The following TNRC18 variants were observed in gnomAD, a reference collection of about 807,000 sequenced individuals.
The protein encoded by TNRC18 is trinucleotide repeat containing 18.
A neutral mutation model predicts 226.7 loss-of-function variants in TNRC18; 69 were observed. The observed-to-expected ratio is 0.30, with a 90% CI of 0.25 to 0.37. The LOEUF (loss-of-function observed/expected upper bound fraction) is 0.37, where lower values mean the gene tolerates loss of function less well. Among genes scored for constraint, TNRC18 ranks in the 10% least tolerant of loss-of-function variants. The pLI is 1.00. For synonymous variants in TNRC18, 2,449 were observed against 1,927.6 expected, an observed-to-expected ratio of 1.27 and a Z score of -7.09; for missense variants, 4,754 against 4,256.6, an observed-to-expected ratio of 1.12 and a Z score of -3.25.
Position 5,312,698 on chromosome 7 carries a change from C to T in TNRC18, c.8193G>A (p.Pro2731=), listed in dbSNP as rs775117855. Residue 2731 remains proline (P), a synonymous_variant, in exon 27 of 30, where the codon CCG becomes CCA. Transcript: ENST00000430969. The surrounding 1 kb of genome is among the most constrained non-coding windows in gnomAD (Gnocchi z 6.3). ...TGGGCTGCAGAGGCTGTGTGGGCTG[C>T]GGAGGAGGCGCCTGGGGCTGGGGCG... ...TPAPQPQAPP[P]QPTQPLQPKA... is the part of the protein sequence containing the mutation. 3.0e-5 allele frequency: 48 copies of T among 1,589,680 alleles called. No individual in the cohort carries two copies. The highest frequency in any genetic ancestry group is 2.3e-4 in the Middle Eastern group (1 of 4,372).
chr7:5,366,949 G>C (rs35728272), intron 11 of TNRC18, among the ~76,000 whole-genome samples: 4 of 152,166 alleles, frequency 2.6e-5, no homozygotes, highest in African/African-American at 9.7e-5. Context: ...TAATATGCGA[G>C]AATCCTAACC....
At chr7:5,332,568 C>T in intron 19 of TNRC18, 54 bp downstream of exon 19, 1 of 1,473,608 alleles carries the variant, frequency 6.8e-7, no homozygotes, top group Non-Finnish European at 8.9e-7. Context: ...GGGCCCCTCC[C>T]TCACGGAACC....
chr7:5,360,117 G>A (rs1052707660), intron 14 of TNRC18, among the ~76,000 whole-genome samples: 6 of 152,174 alleles, frequency 3.9e-5, no homozygotes, highest in African/African-American at 1.2e-4. Context: ...CGAAACAGCC[G>A]ATCTGTACTT....
At chr7:5,391,010 G>A (rs1393533162) in intron 3 of TNRC18, among the ~76,000 whole-genome samples, 1 of 152,154 alleles carries the variant, frequency 6.6e-6, no homozygotes, top group Non-Finnish European at 1.5e-5. Context: ...AAAACTCAGA[G>A]CAGGCCACTT....
intron 5 of TNRC18, among the ~76,000 whole-genome samples, chr7:5,383,177 A>C (rs1208163290): frequency 2.0e-5 from 3 of 152,186 alleles, no homozygotes; most frequent in Admixed American, 6.5e-5. Flanking sequence ...AGCTGGGATT[A>C]CAGGCATGAG....
At chr7:5,371,691 C>A (rs1467232053) in intron 10 of TNRC18, among the ~76,000 whole-genome samples, 1 of 152,202 alleles carries the variant, frequency 6.6e-6, no homozygotes, top group Non-Finnish European at 1.5e-5. Context: ...CTGCAAAGGC[C>A]TACAGCTGCC....
chr7:5,310,065 G>A (rs1253365926), intron 27 of TNRC18, among the ~76,000 whole-genome samples: 1 of 151,650 alleles, frequency 6.6e-6, no homozygotes, highest in East Asian at 1.9e-4. Context: ...GGAATCCACG[G>A]CTAATATTTT....
intron 2 of TNRC18, among the ~76,000 whole-genome samples, chr7:5,397,227 G>A (rs765700991): frequency 3.9e-5 from 6 of 152,208 alleles, no homozygotes; most frequent in South Asian, 2.1e-4. Context: ...GCTGAGCCCC[G>A]GGCTTCCGCC....
At position 5,377,452 on chromosome 7, in the gene TNRC18, C is replaced by T. The variant is rs781159351; in HGVS notation, c.2380G>A (p.Asp794Asn). 12 of 1,585,312 alleles carry T rather than the reference C, an allele frequency of 7.6e-6. No individual in the cohort carries two copies. The highest frequency in any genetic ancestry group is 2.3e-5 in the East Asian group (1 of 43,180). The change falls in exon 7 of 30, where the codon GAC becomes AAC. Residue 794 changes from aspartate (D) to asparagine (N), a missense_variant. By Grantham distance (23) the Asp-to-Asn change is conservative. Transcript: ENST00000430969. This position sits in a 1 kb window ranked among gnomAD's most constrained non-coding sequence, Gnocchi z 5.8. ...TGCGTGGCCAGATGGGCTGCGGGGT[C>T]GGCAGACCAGCGACCTGAGCCCGCC... ...ALAGSGRWSA[D>N]PAAHLATHPW...
intron 18 of TNRC18, among the ~76,000 whole-genome samples, chr7:5,341,518 C>T (rs1218573907): frequency 6.6e-6 from 1 of 151,612 alleles, no homozygotes; most frequent in Non-Finnish European, 1.5e-5. Context: ...AATCCCAGCA[C>T]TTTGGGAGGC....
chr7:5,376,792 T>C (rs894583051), intron 8 of TNRC18, 55 bp downstream of exon 8: 7 of 1,579,528 alleles, frequency 4.4e-6, no homozygotes, highest in East Asian at 4.6e-5. Context: ...TCAGAGACCA[T>C]CTCGCTGGGC....
At chr7:5,412,163 T>C (rs1269816872) in intron 2 of TNRC18, among the ~76,000 whole-genome samples, 1 of 144,482 alleles carries the variant, frequency 6.9e-6, no homozygotes, top group African/African-American at 2.5e-5. Context: ...CACTCCAGCC[T>C]GCGTAACAGA....
intron 11 of TNRC18, 96 bp from the exon 12 acceptor site, chr7:5,362,921 C>T: frequency 7.9e-7 from 1 of 1,269,642 alleles, no homozygotes; most frequent in Non-Finnish European, 1.0e-6. Flanking sequence ...GGCCCCAGGC[C>T]ACACGTGCCC....
At chr7:5,390,886 G>A (rs1050863968) in intron 3 of TNRC18, among the ~76,000 whole-genome samples, 1 of 150,728 alleles carries the variant, frequency 6.6e-6, no homozygotes, top group Non-Finnish European at 1.5e-5. Flanking sequence ...CCAACTAGCG[G>A]GGCCCGATAA....
At chr7:5,339,375 G>C (rs1790445774) in intron 18 of TNRC18, among the ~76,000 whole-genome samples, 1 of 151,812 alleles carries the variant, frequency 6.6e-6, no homozygotes, top group African/African-American at 2.4e-5. Context: ...AAGTAGCTGG[G>C]ATTACAGGTG....
intron 18 of TNRC18, among the ~76,000 whole-genome samples, chr7:5,335,015 C>G (rs1213389363): frequency 1.3e-5 from 2 of 152,034 alleles, no homozygotes; most frequent in African/African-American, 2.4e-5. Context: ...AGAAAGCGAG[C>G]CAGTGGCCAG....
At chr7:5,404,417 A>G (rs1224002692) in intron 2 of TNRC18, among the ~76,000 whole-genome samples, 1 of 152,178 alleles carries the variant, frequency 6.6e-6, no homozygotes, top group Admixed American at 6.6e-5. Flanking sequence ...GAACCTGTAA[A>G]TGGCTAAACT....
intron 21 of TNRC18, 51 bp from the exon 22 acceptor site, chr7:5,321,241 A>C: frequency 7.5e-7 from 1 of 1,325,116 alleles, no homozygotes; most frequent in East Asian, 2.6e-5. Context: ...CGTCTGCGAC[A>C]CCTCTCCCTC....
intron 27 of TNRC18, among the ~76,000 whole-genome samples, chr7:5,310,224 GTTATTA>G (rs1023452341): frequency 3.3e-5 from 5 of 151,868 alleles, no homozygotes; most frequent in Admixed American, 6.5e-5. Flanking sequence ...TTAAAAAATA[GTTATTA>G]TTATTATTAT....
Sources: gnomAD v4.1 joint callset for allele counts (sites outside exome capture counted in the v4.1 genomes callset) on GRCh38, gnomAD v4.1.1 for gene constraint, Gnocchi (gnomAD v3.1) non-coding constraint, MANE v1.5 for transcripts, NCBI Gene and HGNC (gene_info 2026-07-23, HGNC 2026-07-21) for gene names.